Variants in LRFN5 observed in about 807,000 individuals in gnomAD.
LRFN5 encodes leucine-rich repeat and fibronectin type-III domain-containing protein 5.
A neutral mutation model predicts 45.6 loss-of-function variants in LRFN5; 24 were observed. The observed-to-expected ratio is 0.53, with a 90% CI of 0.38 to 0.74. LRFN5 has a LOEUF of 0.74. LRFN5 is among the 30% of genes least tolerant of loss of function. The pLI is 0.00. For synonymous variants in LRFN5, 340 were observed against 313.8 expected (o/e 1.08, Z -0.88); for missense variants, 776 against 861.5 (o/e 0.90, Z 1.24).
chr14:41,790,678 A>G (rs1886887807), intron 2 of LRFN5, among the ~76,000 whole-genome samples: 1 of 151,458 alleles, frequency 6.6e-6, no homozygotes, highest in African/African-American at 2.4e-5. Flanking sequence ...ATAAAAAAGA[A>G]CTTTATTTAT....
At chr14:41,863,213 A>T (rs572704799) in intron 2 of LRFN5, among the ~76,000 whole-genome samples, 1 of 152,194 alleles carries the variant, frequency 6.6e-6, no homozygotes, top group South Asian at 2.1e-4. Flanking sequence ...ATTCTAATAG[A>T]TATCTTAAAT....
chr14:41,614,804 C>T (rs1353822077), intron 1 of LRFN5, among the ~76,000 whole-genome samples: 3 of 152,000 alleles, frequency 2.0e-5, no homozygotes, highest in Non-Finnish European at 4.4e-5. Flanking sequence ...TGATATAGTT[C>T]ATTAGGCACC....
At chr14:41,880,786 T>C (rs1890352977) in intron 2 of LRFN5, among the ~76,000 whole-genome samples, 1 of 152,152 alleles carries the variant, frequency 6.6e-6, no homozygotes, top group Admixed American at 6.5e-5. Flanking sequence ...TATCGTGTCA[T>C]TTCATGTGTT....
chr14:41,875,120 AC>A (rs1890144798), intron 2 of LRFN5, among the ~76,000 whole-genome samples: 1 of 152,236 alleles, frequency 6.6e-6, no homozygotes, highest in African/African-American at 2.4e-5. Flanking sequence ...GATTAATTGT[AC>A]TTATCTCCTG....
At chr14:41,835,585 G>T (rs1888632856) in intron 2 of LRFN5, among the ~76,000 whole-genome samples, 1 of 152,114 alleles carries the variant, frequency 6.6e-6, no homozygotes, top group African/African-American at 2.4e-5. Context: ...ACTTAGTTGG[G>T]CATGGTGGCA....
chr14:41,852,060 TAA>T (rs1889285838), intron 2 of LRFN5, among the ~76,000 whole-genome samples: 1 of 151,926 alleles, frequency 6.6e-6, no homozygotes, highest in Admixed American at 6.6e-5. Context: ...TTTTCTTTCC[TAA>T]TGAAAATTGT....
At chr14:41,699,816 T>A (rs1388691720) in intron 1 of LRFN5, 1 of 152,054 alleles carries the variant, frequency 6.6e-6, no homozygotes, top group Non-Finnish European at 1.5e-5. Flanking sequence ...CAGGGAGCAC[T>A]GAAGGAAATA....
intron 1 of LRFN5, among the ~76,000 whole-genome samples, chr14:41,671,617 GTTTTTTTTTTTT>G (rs914212982): frequency 1.3e-5 from 1 of 78,026 alleles, no homozygotes; most frequent in East Asian, 4.4e-4. Flanking sequence ...TTTTTTTTTC[GTTTTTTTTTTTT>G]TTTTTTTTAC....
chr14:41,650,217 A>C (rs1880029497), intron 1 of LRFN5, among the ~76,000 whole-genome samples: 3 of 147,384 alleles, frequency 2.0e-5, no homozygotes, highest in Non-Finnish European at 4.5e-5. Context: ...AACATAGTGA[A>C]ACCCTGTATC....
intron 1 of LRFN5, among the ~76,000 whole-genome samples, chr14:41,726,989 G>A (rs543460467): frequency 3.3e-5 from 5 of 152,058 alleles, no homozygotes; most frequent in South Asian, 2.1e-4. Flanking sequence ...TATGAATTTT[G>A]TTGCAAAACG....
At chr14:41,866,979 A>G (rs138243453) in intron 2 of LRFN5, among the ~76,000 whole-genome samples, 6,216 of 152,198 alleles carry the variant, frequency 0.041, 188 homozygotes, top group Middle Eastern at 0.075. Flanking sequence ...GTAGTTGTCA[A>G]TGTAATTTAT....
At chr14:41,691,138 C>T (rs1882362460) in intron 1 of LRFN5, among the ~76,000 whole-genome samples, 1 of 151,960 alleles carries the variant, frequency 6.6e-6, no homozygotes, top group Non-Finnish European at 1.5e-5. Flanking sequence ...ATTATTTATG[C>T]ACTTTCTTCT....
intron 1 of LRFN5, among the ~76,000 whole-genome samples, chr14:41,697,784 T>G (rs1400008077): frequency 6.6e-6 from 1 of 151,934 alleles, no homozygotes; most frequent in Non-Finnish European, 1.5e-5. Context: ...GTCTTTGTAT[T>G]TTAAATGAAA....
At position 41,684,701 on chromosome 14, in the gene LRFN5, A is replaced by G. The variant is rs570373672; in HGVS notation, c.-197+76139A>G. On this transcript the variant is annotated intron_variant, in intron 1 of 5. Coordinates refer to ENST00000298119, the MANE Select transcript of LRFN5 (RefSeq NM_152447.5). ...AAACTTAAATTTAAAACGTAAAACA[A>G]TGGAACTAGTAAAATAAAACTGTAG... is the stretch of plus-strand genomic sequence containing the variant. Among the ~76,000 whole-genome samples the G allele has an allele frequency of 5.3e-5, 8 of 152,314 alleles. No individual in the cohort carries two copies. In the South Asian group the frequency reaches 1.2e-3, roughly 24 times the overall value.
intron 1 of LRFN5, among the ~76,000 whole-genome samples, chr14:41,640,352 A>G (rs774015582): frequency 1.6e-4 from 24 of 152,052 alleles, no homozygotes; most frequent in Non-Finnish European, 3.2e-4. Flanking sequence ...GAAACCTATA[A>G]TGATTTCAGA....
At chr14:41,776,929 ATTGTC>A (rs1335471498) in intron 2 of LRFN5, among the ~76,000 whole-genome samples, 3 of 151,956 alleles carry the variant, frequency 2.0e-5, no homozygotes, top group African/African-American at 7.2e-5. Flanking sequence ...CTTATAACCA[ATTGTC>A]TTGTATTGTT....
intron 1 of LRFN5, among the ~76,000 whole-genome samples, chr14:41,652,131 A>G (rs1239678646): frequency 6.6e-6 from 1 of 152,154 alleles, no homozygotes; most frequent in Admixed American, 6.6e-5. Flanking sequence ...TGACTGATGT[A>G]TAGATAAATG....
At chr14:41,865,686 C>A (rs542993095) in intron 2 of LRFN5, among the ~76,000 whole-genome samples, 1 of 152,280 alleles carries the variant, frequency 6.6e-6, no homozygotes, top group East Asian at 1.9e-4. Flanking sequence ...TTTGCAAAAT[C>A]AATGTATGAG....
chr14:41,668,906 G>A (rs1055095589), intron 1 of LRFN5, among the ~76,000 whole-genome samples: 2 of 151,784 alleles, frequency 1.3e-5, no homozygotes, highest in African/African-American at 4.8e-5. Context: ...CTAAAAATTC[G>A]ATTTATATAT....
Sources: gnomAD v4.1 joint callset for allele counts (sites outside exome capture counted in the v4.1 genomes callset) on GRCh38, gnomAD v4.1.1 for gene constraint, MANE v1.5 for transcripts, NCBI Gene and HGNC (gene_info 2026-07-23, HGNC 2026-07-21) for gene names.